MIGA2: variants seen among roughly 807,000 people sequenced by gnomAD.
MIGA2 encodes family with sequence similarity 73, member B.
Under a neutral mutation model 69.9 loss-of-function variants are expected in MIGA2, and 36 were observed. The ratio of observed to expected loss-of-function variants is 0.52; its 90% CI spans 0.39 to 0.68. The LOEUF (loss-of-function observed/expected upper bound fraction) is 0.68, where lower values mean the gene tolerates loss of function less well. Among genes scored for constraint, MIGA2 ranks in the 30% least tolerant of loss-of-function variants. The pLI is 0.00. For synonymous variants in MIGA2, 333 were observed against 349.2 expected, an observed-to-expected ratio of 0.95 and a Z score of 0.52; for missense variants, 660 against 787.7, an observed-to-expected ratio of 0.84 and a Z score of 1.94.
rs376245075 is a variant in MIGA2, at chr9:129,069,158, C to T, written c.1458+29C>T. 3.6e-5 allele frequency: 58 copies of T among 1,613,246 alleles called. No homozygotes were observed. The Middle Eastern group carries it at 5.0e-4, about 14-fold the overall frequency. On this transcript the variant is annotated intron_variant, in intron 14 of 15. Coordinates refer to ENST00000684074, the MANE Select transcript of MIGA2 (RefSeq NM_001329990.2). This position sits in a 1 kb window ranked among gnomAD's most constrained non-coding sequence, Gnocchi z 4.9. ...AGTGACTGGCAGGCCCGGGGGAGCA[C>T]GAGCTGGGCTCTGAGGCAGCGTGGT...
chr9:129,043,621 A>G (rs1386879717), intron 3 of MIGA2, among the ~76,000 whole-genome samples: 1 of 151,586 alleles, frequency 6.6e-6, no homozygotes, highest in Non-Finnish European at 1.5e-5. Flanking sequence ...TCCTGAGCTC[A>G]AGTGATCCGC....
chr9:129,067,601 C>T (rs1394302225), intron 11 of MIGA2, 172 bp from the exon 12 acceptor site: 3 of 612,492 alleles, frequency 4.9e-6, no homozygotes. Flanking sequence ...TGCCCTGGTT[C>T]TCTGGAGAAG....
rs1846578207 is a variant in MIGA2, at chr9:129,069,894, G to A, written c.1504G>A (p.Val502Met). ...ISHFYSVSEH[V>M]SPVLAFGFLG... ...CCATTTCTACTCCGTATCGGAGCAT[G>A]TGAGCCCTGTCCTAGCCTTCGGCTT... Residue 502 changes from valine (V) to methionine (M), a missense_variant, in exon 15 of 16, where the codon GTG becomes ATG. Coordinates refer to ENST00000684074, the MANE Select transcript of MIGA2 (RefSeq NM_001329990.2). This position sits in a 1 kb window ranked among gnomAD's most constrained non-coding sequence, Gnocchi z 4.9. 1 of 1,613,792 alleles carries A rather than the reference G, an allele frequency of 6.2e-7. No individual in the cohort carries two copies. The highest frequency in any genetic ancestry group is 1.3e-5 in the African/African-American group (1 of 74,942).
At position 129,060,397 on chromosome 9, in the gene MIGA2, G is replaced by A. The variant is rs554164151; in HGVS notation, c.794-153G>A. 3.2e-5 allele frequency: 20 copies of A among 627,016 alleles called. No individual in the cohort carries two copies. The African/African-American group carries it at 3.3e-4, about 10-fold the overall frequency. The allele number at this position is 627,016 out of a possible 1,614,324, so 38.8% of individuals were successfully genotyped here. A position where few individuals can be genotyped will look rare whatever the true frequency, so the allele number is the denominator to read the frequency against. On this transcript the variant is annotated intron_variant, in intron 7 of 15. Coordinates refer to ENST00000684074, the MANE Select transcript of MIGA2 (RefSeq NM_001329990.2). This position sits in a 1 kb window ranked among gnomAD's most constrained non-coding sequence, Gnocchi z 4.8. The stretch of plus-strand genomic sequence containing the variant: ...GAGTCCAGCGTCCTCACACAGAAGC[G>A]CTTGGCACGTCAGAGCTTTGCCATT...
intron 6 of MIGA2, among the ~76,000 whole-genome samples, chr9:129,056,144 A>C (rs1317591527): frequency 6.6e-6 from 1 of 152,056 alleles, no homozygotes; most frequent in African/African-American, 2.4e-5. Context: ...AAAAAAAAAA[A>C]AAAAACTTAT....
intron 3 of MIGA2, among the ~76,000 whole-genome samples, chr9:129,043,671 G>C (rs1433903183): frequency 6.6e-6 from 1 of 151,386 alleles, no homozygotes; most frequent in Non-Finnish European, 1.5e-5. Context: ...ACAGGTGTGA[G>C]CCACCGCACC....
intron 3 of MIGA2, among the ~76,000 whole-genome samples, chr9:129,044,215 A>G (rs978707228): frequency 6.6e-6 from 1 of 150,404 alleles, no homozygotes; most frequent in South Asian, 2.1e-4. Context: ...GCTGGTCTCG[A>G]ACTCCTGACC....
Position 129,070,242 on chromosome 9 carries a change from C to T in MIGA2, c.1576-5C>T, listed in dbSNP as rs1326921700. 1 of 1,610,000 alleles carries T rather than the reference C, an allele frequency of 6.2e-7. No individual in the cohort carries two copies. The highest frequency in any genetic ancestry group is 8.5e-7 in the Non-Finnish European group (1 of 1,177,738). On this transcript the variant is annotated splice_polypyrimidine_tract_variant and splice_region_variant and intron_variant, in intron 15 of 15. Coordinates refer to ENST00000684074, the MANE Select transcript of MIGA2 (RefSeq NM_001329990.2). ...CCAGGCCTGACACCAGCCCTGCTCCCCCAGCACCAGATTGTGCAGTACCTG... is the reference window on the plus strand; with the variant it reads ...CCAGGCCTGACACCAGCCCTGCTCCTCCAGCACCAGATTGTGCAGTACCTG...
chr9:129,065,026 G>A (rs570349107), intron 11 of MIGA2, among the ~76,000 whole-genome samples: 2 of 151,454 alleles, frequency 1.3e-5, no homozygotes, highest in Non-Finnish European at 2.9e-5. Context: ...CAGGTGATCC[G>A]CCCTCCTTGG....
chr9:129,049,715 C>A, intron 5 of MIGA2, 112 bp from the exon 6 acceptor site: 1 of 1,541,350 alleles, frequency 6.5e-7, no homozygotes, highest in South Asian at 1.1e-5. Context: ...GCCACACGGT[C>A]CCACCCAGTT....
chr9:129,050,070 C>A, intron 6 of MIGA2, 107 bp downstream of exon 6: 1 of 1,410,878 alleles, frequency 7.1e-7, no homozygotes, highest in Non-Finnish European at 9.6e-7. Context: ...TCTGAGACTG[C>A]TGATTTCCCT....
rs182447672 is a variant in MIGA2, at chr9:129,063,404, G to T, written c.1083+88G>T. 1,255 of 1,568,552 alleles carry T rather than the reference G, an allele frequency of 8.0e-4. 1 individual carries two copies. Among genetic ancestry groups the T allele is most frequent in the South Asian group, 2.0e-3 (176 of 89,944 alleles). On this transcript the variant is annotated intron_variant, in intron 10 of 15. Coordinates refer to ENST00000684074, the MANE Select transcript of MIGA2 (RefSeq NM_001329990.2). ...TGTGTGGCATGTATGTGGCCTCCTG[G>T]TCCCTGGCCAGGCCTGCTCCCACAC...
In MIGA2 at chr9:129,063,398, C is replaced by T; in HGVS notation, c.1083+82C>T. On this transcript the variant is annotated intron_variant, in intron 10 of 15. Transcript: ENST00000684074. ...CATGGCTGTGTGGCATGTATGTGGC[C>T]TCCTGGTCCCTGGCCAGGCCTGCTC... 29 of 1,569,724 alleles carry T rather than the reference C, an allele frequency of 1.8e-5. No individual in the cohort carries two copies. In the South Asian group the frequency reaches 2.6e-4, roughly 14 times the overall value.
At chr9:129,042,583 A>T in intron 3 of MIGA2, 69 bp downstream of exon 3, 1 of 1,472,082 alleles carries the variant, frequency 6.8e-7, no homozygotes, top group Non-Finnish European at 9.2e-7. Context: ...CAGCTGGGTC[A>T]CTCTCTACTT....
rs112135670 is a variant in MIGA2, at chr9:129,059,911, G to A, written c.794-639G>A. Among the ~76,000 whole-genome samples the A allele has an allele frequency of 6.6e-6, 1 of 152,282 alleles. No homozygotes were observed. Among genetic ancestry groups the A allele is most frequent in the African/African-American group, 2.4e-5 (1 of 41,566 alleles). On this transcript the variant is annotated intron_variant, in intron 7 of 15. Coordinates refer to ENST00000684074, the MANE Select transcript of MIGA2 (RefSeq NM_001329990.2). This position sits in a 1 kb window ranked among gnomAD's most constrained non-coding sequence, Gnocchi z 5.6. ...CGGCCGAGCCACGCACCCTGCCCTG[G>A]CTTCTCCCCACGTGCTCTGGGTGTG...
At chr9:129,070,005 C>T in intron 15 of MIGA2, 40 bp downstream of exon 15, 2 of 1,501,310 alleles carry the variant, frequency 1.3e-6, no homozygotes, top group Non-Finnish European at 1.8e-6. Context: ...TGACCCTTGC[C>T]CTGAGCACAG....
In MIGA2 at chr9:129,042,965, C is replaced by A. The variant is rs150287726; in HGVS notation, c.307+451C>A. ...ATCCCAGCTCCTTGGGAAGCCGAGG[C>A]GGGCAGATCACAAGGTTAGGAGATC... is the stretch of plus-strand genomic sequence containing the variant. On this transcript the variant is annotated intron_variant, in intron 3 of 15. Transcript: ENST00000684074. Among the ~76,000 whole-genome samples the A allele has an allele frequency of 1.9e-4, 29 of 152,268 alleles. No homozygotes were observed. In the East Asian group the frequency reaches 5.6e-3, roughly 29 times the overall value.
rs1015714011 is a variant in MIGA2, at chr9:129,040,523, G to A, written c.-72G>A. 1 of 1,531,676 alleles carries A rather than the reference G, an allele frequency of 6.5e-7. No homozygotes were observed. Among genetic ancestry groups the A allele is most frequent in the Non-Finnish European group, 8.8e-7 (1 of 1,132,090 alleles). 94.9% of individuals were successfully genotyped at this position (1,531,676 alleles called of 1,614,324 possible). ...CGTGGATGGTGCCTGGGACCCAGCT[G>A]GCAACCAGTTGAAGACGTTCTCCTT... On this transcript the variant is annotated 5_prime_UTR_variant, in exon 2 of 16. An upstream open reading frame in the 5' UTR gains an earlier in-frame stop. Transcript: ENST00000684074.
At chr9:129,043,098 G>A (rs1314567551) in intron 3 of MIGA2, among the ~76,000 whole-genome samples, 1 of 151,956 alleles carries the variant, frequency 6.6e-6, no homozygotes, top group Non-Finnish European at 1.5e-5. Context: ...GGAGGCTGAG[G>A]CAGGAGAATG....
Sources: gnomAD v4.1 joint callset for allele counts (sites outside exome capture counted in the v4.1 genomes callset) on GRCh38, gnomAD v4.1.1 for gene constraint, Gnocchi (gnomAD v3.1) non-coding constraint, MANE v1.5 for transcripts, NCBI Gene and HGNC (gene_info 2026-07-23, HGNC 2026-07-21) for gene names.